CDC14B: variants seen among roughly 807,000 people sequenced by gnomAD.
CDC14B encodes the protein dual specificity protein phosphatase CDC14B.
Under a neutral mutation model 64.2 loss-of-function variants are expected in CDC14B, and 22 were observed. The observed-to-expected ratio is 0.34, with a 90% CI of 0.24 to 0.49. The LOEUF (loss-of-function observed/expected upper bound fraction) is 0.49, where lower values mean the gene tolerates loss of function less well. Among genes scored for constraint, CDC14B ranks in the 20% least tolerant of loss-of-function variants. The pLI is 0.99. For missense variants in CDC14B, 498 were observed against 629.9 expected, an observed-to-expected ratio of 0.79 and a Z score of 2.24; for synonymous variants, 191 against 215.8, an observed-to-expected ratio of 0.89 and a Z score of 1.01.
downstream of CDC14B, chr9:96,500,014 A>G (rs7871404): frequency 0.26 from 38,973 of 152,520 alleles, 6,670 homozygotes; most frequent in African/African-American, 0.49. Context: ...CGTCCTAGAA[A>G]ACTTACACAG....
At chr9:96,601,543 C>T (rs1846455248) in intron 1 of CDC14B, among the ~76,000 whole-genome samples, 1 of 149,494 alleles carries the variant, frequency 6.7e-6, no homozygotes, top group South Asian at 2.1e-4. Flanking sequence ...CTGTAGTAAA[C>T]CCAGCACTTT....
At chr9:96,558,340 G>A (rs1269006195) in intron 4 of CDC14B, among the ~76,000 whole-genome samples, 1 of 152,192 alleles carries the variant, frequency 6.6e-6, no homozygotes, top group Non-Finnish European at 1.5e-5. Flanking sequence ...TGTTTGAGGC[G>A]ATGGATACTG....
At chr9:96,527,729 C>A (rs1256770820) in intron 9 of CDC14B, among the ~76,000 whole-genome samples, 1 of 152,104 alleles carries the variant, frequency 6.6e-6, no homozygotes, top group Non-Finnish European at 1.5e-5. Flanking sequence ...CCTTCTCCTG[C>A]CTCAGACTCC....
exon 14 of CDC14B, chr9:96,491,285 G>GT (rs983153119): frequency 6.6e-6 from 1 of 152,238 alleles, no homozygotes; most frequent in African/African-American, 2.4e-5. Flanking sequence ...ACTGTCTAAG[G>GT]TGGCTTTGAA....
In CDC14B at chr9:96,545,614, G is replaced by C. The variant is rs550469113; in HGVS notation, c.498-3722C>G. On this transcript the variant is annotated intron_variant, in intron 5 of 13. Transcript: ENST00000375241. Reference sequence around the variant, plus strand: ...ATTATAGGCGTGAGCCACTGCGCCTGGCTTGATTATCTTCTTAACCTACTG... The same window carrying C: ...ATTATAGGCGTGAGCCACTGCGCCTCGCTTGATTATCTTCTTAACCTACTG... Among the ~76,000 whole-genome samples the C allele has an allele frequency of 3.0e-4, 46 of 152,136 alleles. No individual in the cohort carries two copies. The South Asian group carries it at 9.5e-3, about 31-fold the overall frequency.
chr9:96,530,129 A>T (rs1838206975), intron 9 of CDC14B, among the ~76,000 whole-genome samples: 1 of 152,136 alleles, frequency 6.6e-6, no homozygotes, highest in Non-Finnish European at 1.5e-5. Context: ...TGCTATTATA[A>T]ATGAAACTGT....
At chr9:96,504,368 C>T (rs185916144) in intron 13 of CDC14B, among the ~76,000 whole-genome samples, 38 of 152,252 alleles carry the variant, frequency 2.5e-4, no homozygotes, top group East Asian at 1.9e-4. Flanking sequence ...CACGACGCTA[C>T]ACTTTCAGGT....
intron 7 of CDC14B, among the ~76,000 whole-genome samples, chr9:96,536,841 T>C (rs1198216995): frequency 6.6e-6 from 1 of 152,316 alleles, no homozygotes; most frequent in Middle Eastern, 3.4e-3. Context: ...AAAAGGGCTT[T>C]AGCACAGTAT....
In CDC14B at chr9:96,533,923, A is replaced by G. The variant is rs1838897977; in HGVS notation, c.946+4T>C. The G allele has an allele frequency of 6.3e-7, 1 of 1,591,182 alleles. No individual in the cohort carries two copies. The highest frequency in any genetic ancestry group is 8.6e-7 in the Non-Finnish European group (1 of 1,162,758). ...CTATTCTTTAACCACCCCTAGAAACATACCTTTGCAATGTACTGCAATGGC... is the reference window on the plus strand; with the variant it reads ...CTATTCTTTAACCACCCCTAGAAACGTACCTTTGCAATGTACTGCAATGGC... On this transcript the variant is annotated splice_donor_region_variant and intron_variant, in intron 9 of 13. Transcript: ENST00000375241.
In CDC14B at chr9:96,503,727, C is replaced by T. The variant is rs1436289956; in HGVS notation, c.*26G>A. On this transcript the variant is annotated 3_prime_UTR_variant, in exon 14 of 14. Transcript: ENST00000375241. ...TGCAGTTTTCAGTCCTAGAGTCTTC[C>T]TTCAGCTCTGGTCACAGGTTTTTAC... 1.3e-5 allele frequency: 21 copies of T among 1,607,934 alleles called. No homozygotes were observed. Among genetic ancestry groups the T allele is most frequent in the Non-Finnish European group, 1.8e-5 (21 of 1,174,654 alleles).
chr9:96,617,482 C>T (rs1450947570), intron 1 of CDC14B, among the ~76,000 whole-genome samples: 4 of 151,806 alleles, frequency 2.6e-5, no homozygotes, highest in African/African-American at 4.8e-5. Context: ...TTCATAAAAC[C>T]GTATGTACAT....
intron 13 of CDC14B, among the ~76,000 whole-genome samples, chr9:96,493,544 T>G (rs752198259): frequency 2.6e-5 from 4 of 152,176 alleles, no homozygotes; most frequent in Non-Finnish European, 5.9e-5. Context: ...CAGATAAAAG[T>G]GCAAAACTAG....
At chr9:96,527,698 C>T (rs1029933510) in intron 9 of CDC14B, among the ~76,000 whole-genome samples, 5 of 152,086 alleles carry the variant, frequency 3.3e-5, no homozygotes, top group East Asian at 1.9e-4. Context: ...TCACCGCAAG[C>T]TCCACCTCCC....
At chr9:96,598,707 C>T (rs1438509860) in intron 1 of CDC14B, among the ~76,000 whole-genome samples, 2 of 152,144 alleles carry the variant, frequency 1.3e-5, no homozygotes, top group African/African-American at 4.8e-5. Flanking sequence ...AAGCTTCCAT[C>T]AAAATTACAA....
intron 1 of CDC14B, among the ~76,000 whole-genome samples, chr9:96,578,048 A>G (rs1054171976): frequency 6.6e-6 from 1 of 152,218 alleles, no homozygotes; most frequent in Non-Finnish European, 1.5e-5. Flanking sequence ...AACCAAATTT[A>G]CAGAACACAC....
chr9:96,613,371 G>A (rs1326697014), intron 1 of CDC14B, among the ~76,000 whole-genome samples: 2 of 152,156 alleles, frequency 1.3e-5, no homozygotes, highest in Non-Finnish European at 2.9e-5. Flanking sequence ...CCATTCAAAA[G>A]CACAGAGCAA....
intron 13 of CDC14B, among the ~76,000 whole-genome samples, chr9:96,504,989 C>T (rs1469289041): frequency 6.6e-6 from 1 of 152,176 alleles, no homozygotes; most frequent in Non-Finnish European, 1.5e-5. Context: ...GCCTGGCCAA[C>T]ATGGTGAAAC....
chr9:96,507,358 T>C (rs2131298634), intron 13 of CDC14B, among the ~76,000 whole-genome samples: 1 of 148,528 alleles, frequency 6.7e-6, no homozygotes, highest in Non-Finnish European at 1.5e-5. Context: ...AAAAAGAATA[T>C]GCCCCTTCAA....
intron 1 of CDC14B, chr9:96,567,068 C>A: frequency 9.7e-7 from 1 of 1,032,048 alleles, no homozygotes; most frequent in Non-Finnish European, 1.3e-6. Context: ...CCACCTCCCG[C>A]TTTCTTTCCC....
Sources: allele counts gnomAD v4.1 joint callset (sites outside exome capture counted in the v4.1 genomes callset), GRCh38; gene constraint gnomAD v4.1.1; transcripts MANE v1.5; gene names NCBI Gene and HGNC (gene_info 2026-07-23, HGNC 2026-07-21).